The following CRACR2A variants were observed in gnomAD, a reference collection of about 807,000 sequenced individuals.
CRACR2A encodes calcium release activated channel regulator 2A.
A neutral mutation model predicts 90.5 loss-of-function variants in CRACR2A; 79 were observed. That is an observed-to-expected ratio of 0.87 (90% CI 0.73 to 1.05). CRACR2A has a LOEUF of 1.05. Among genes scored for constraint, CRACR2A ranks in the 50% least tolerant of loss-of-function variants. The pLI, the probability that CRACR2A is intolerant of heterozygous loss-of-function variation, is 0.00. For missense variants in CRACR2A, 823 were observed against 897.2 expected, an observed-to-expected ratio of 0.92 and a Z score of 1.06; for synonymous variants, 338 against 356.7, an observed-to-expected ratio of 0.95 and a Z score of 0.59.
Position 3,638,534 on chromosome 12 carries a change from C to T in CRACR2A, c.1272-80G>A, listed in dbSNP as rs114693706. 5,220 of 1,412,446 alleles carry T rather than the reference C, an allele frequency of 3.7e-3. 141 individuals carry two copies. The African/African-American group carries it at 0.061, about 17-fold the overall frequency. The allele number at this position is 1,412,446 out of a possible 1,614,324, so 87.5% of individuals were successfully genotyped here. On this transcript the variant is annotated intron_variant, in intron 13 of 19. Transcript: ENST00000440314. ...ACGGGCTGCATAACAGCTTTTGTGA[C>T]GAACAGATACCCAAGGAGCATCACA...
chr12:3,722,147 C>T (rs958992134), intron 2 of CRACR2A, among the ~76,000 whole-genome samples: 3 of 152,180 alleles, frequency 2.0e-5, no homozygotes, highest in African/African-American at 7.2e-5. Flanking sequence ...AACCATACTA[C>T]CCAGCACAAT....
intron 1 of CRACR2A, among the ~76,000 whole-genome samples, chr12:3,735,376 T>C (rs1946435062): frequency 6.6e-6 from 1 of 152,002 alleles, no homozygotes; most frequent in Non-Finnish European, 1.5e-5. Flanking sequence ...GTTAGCAAAA[T>C]GCTCCTCAGA....
Position 3,657,867 on chromosome 12 carries a change from A to G in CRACR2A, c.763-1461T>C, listed in dbSNP as rs1308571558. 2.0e-5 allele frequency among the ~76,000 whole-genome samples: 3 copies of G among 152,152 alleles called. No homozygotes were observed. The East Asian group carries it at 5.8e-4, about 29-fold the overall frequency. Reference sequence around the variant, plus strand: ...ATCACATCCTGGGGTTGGAAGGTGCAAGTGATTAGGTACTTCCTTCACGGT... The same window carrying G: ...ATCACATCCTGGGGTTGGAAGGTGCGAGTGATTAGGTACTTCCTTCACGGT... On this transcript the variant is annotated intron_variant, in intron 8 of 19. Coordinates refer to ENST00000440314, the MANE Select transcript of CRACR2A (RefSeq NM_001144958.2).
intron 1 of CRACR2A, among the ~76,000 whole-genome samples, chr12:3,748,214 T>C (rs1057459403): frequency 6.6e-6 from 1 of 152,108 alleles, no homozygotes; most frequent in African/African-American, 2.4e-5. Context: ...GCAGCTCTAT[T>C]GTGTGAATAA....
Position 3,659,579 on chromosome 12 carries a change from C to T in CRACR2A, c.747G>A (p.Glu249=), listed in dbSNP as rs1489270531. ...EMEQQIKSEK[E]QFLLKDTERF... Reference sequence around the variant, plus strand: ...GTACACTTACCTTCAGGAGAAACTGCTCCTTCTCACTTTTGATTTGTTGTT... The same window carrying T: ...GTACACTTACCTTCAGGAGAAACTGTTCCTTCTCACTTTTGATTTGTTGTT... Residue 249 remains glutamate, a synonymous_variant, in exon 8 of 20, where the codon GAG becomes GAA. Coordinates refer to ENST00000440314, the MANE Select transcript of CRACR2A (RefSeq NM_001144958.2). 1.2e-6 allele frequency: 2 copies of T among 1,614,062 alleles called. No individual in the cohort carries two copies. Among genetic ancestry groups the T allele is most frequent in the Admixed American group, 1.7e-5 (1 of 60,008 alleles).
Position 3,717,991 on chromosome 12 carries a change from G to A in CRACR2A, c.-117-4674C>T, listed in dbSNP as rs1218664774. 3.9e-5 allele frequency among the ~76,000 whole-genome samples: 6 copies of A among 152,156 alleles called. No homozygotes were observed. In the South Asian group the frequency reaches 1.2e-3, roughly 32 times the overall value. On this transcript the variant is annotated intron_variant, in intron 2 of 19. Transcript: ENST00000440314. ...GAACACTAGGCTTTGGTTTTAGACAGCCCTGGGTTCAAGTCCCAGCTCTGC... is the reference window on the plus strand; with the variant it reads ...GAACACTAGGCTTTGGTTTTAGACAACCCTGGGTTCAAGTCCCAGCTCTGC...
chr12:3,750,069 G>T (rs371284609), intron 1 of CRACR2A, among the ~76,000 whole-genome samples: 1 of 151,780 alleles, frequency 6.6e-6, no homozygotes, highest in Non-Finnish European at 1.5e-5. Flanking sequence ...CTGAATAGCT[G>T]GGATTACAGG....
chr12:3,681,401 A>C (rs1164353211), intron 4 of CRACR2A, among the ~76,000 whole-genome samples: 1 of 152,218 alleles, frequency 6.6e-6, no homozygotes, highest in Non-Finnish European at 1.5e-5. Context: ...AGACCTCATA[A>C]GGAGGGAAGG....
intron 4 of CRACR2A, among the ~76,000 whole-genome samples, chr12:3,691,861 C>G (rs1945654929): frequency 6.6e-6 from 1 of 152,150 alleles, no homozygotes; most frequent in Admixed American, 6.5e-5. Context: ...TCTTTTTTCT[C>G]TATTCTTGTC....
At chr12:3,644,853 G>A (rs1944657054) in intron 11 of CRACR2A, among the ~76,000 whole-genome samples, 1 of 152,170 alleles carries the variant, frequency 6.6e-6, no homozygotes, top group Non-Finnish European at 1.5e-5. Context: ...TAGACTGAAT[G>A]CCCTTGAGAC....
chr12:3,667,764 A>G (rs1428225063), intron 7 of CRACR2A, among the ~76,000 whole-genome samples: 1 of 152,196 alleles, frequency 6.6e-6, no homozygotes, highest in East Asian at 1.9e-4. Flanking sequence ...TTCCCCTGAA[A>G]TCAGTCTCTC....
chr12:3,642,209 T>C (rs976687673), intron 12 of CRACR2A, among the ~76,000 whole-genome samples: 6 of 126,872 alleles, frequency 4.7e-5, no homozygotes, highest in Non-Finnish European at 6.6e-5. Context: ...CACTTATCTC[T>C]TCTGAAAAAA....
intron 19 of CRACR2A, 93 bp downstream of exon 19, chr12:3,616,861 G>A: frequency 4.1e-6 from 4 of 983,464 alleles, no homozygotes; most frequent in Non-Finnish European, 6.3e-6. Context: ...GGGGTCAGAG[G>A]TGTGGCCTGG....
At position 3,678,938 on chromosome 12, in the gene CRACR2A, A is replaced by T; in HGVS notation, c.501T>A (p.Leu167=). The T allele has an allele frequency of 1.2e-6, 2 of 1,611,650 alleles. No homozygotes were observed. Among genetic ancestry groups the T allele is most frequent in the Non-Finnish European group, 1.7e-6 (2 of 1,179,074 alleles). The part of the protein sequence containing the change: ...EAQFRMLMDR[L]GAQKVLEDES... ...ACTCTTCCAACACCTTTTGGGCTCC[A>T]AGTCTGTCCATCAGCATCCGGAACT... The change falls in exon 6 of 20, where the codon CTT becomes CTA. Residue 167 remains leucine, a synonymous_variant. Transcript: ENST00000440314.
chr12:3,675,178 A>G lies in CRACR2A; in HGVS notation c.525-1586T>C, dbSNP rs139691844. Among the ~76,000 whole-genome samples, 472 of 152,256 alleles carry G rather than the reference A, an allele frequency of 3.1e-3. 4 individuals carry two copies. Among genetic ancestry groups the G allele is most frequent in the African/African-American group, 0.01 (422 of 41,540 alleles). On this transcript the variant is annotated intron_variant, in intron 6 of 19. Coordinates refer to ENST00000440314, the MANE Select transcript of CRACR2A (RefSeq NM_001144958.2). Reference sequence around the variant, plus strand: ...AGGAATCCTCAGGATAAAGAATAAAATTATCTGTGCTTGTATAACAAGCAT... The same window carrying G: ...AGGAATCCTCAGGATAAAGAATAAAGTTATCTGTGCTTGTATAACAAGCAT...
At chr12:3,615,945 A>G (rs1204954605) in intron 19 of CRACR2A, among the ~76,000 whole-genome samples, 1 of 152,270 alleles carries the variant, frequency 6.6e-6, no homozygotes, top group African/African-American at 2.4e-5. Context: ...ACAGCTCCAG[A>G]TTAATTGTAG....
At chr12:3,644,437 C>G (rs910945653) in intron 12 of CRACR2A, among the ~76,000 whole-genome samples, 158 bp downstream of exon 12, 1 of 152,026 alleles carries the variant, frequency 6.6e-6, no homozygotes, top group Non-Finnish European at 1.5e-5. Context: ...AGTAGGCCAC[C>G]CTGAATTTTT....
chr12:3,674,705 AT>A (rs1056845588), intron 6 of CRACR2A, among the ~76,000 whole-genome samples: 2 of 152,200 alleles, frequency 1.3e-5, no homozygotes, highest in African/African-American at 4.8e-5. Context: ...TATAAATCTT[AT>A]CCCGCAAACA....
At chr12:3,721,895 G>A (rs940698862) in intron 2 of CRACR2A, among the ~76,000 whole-genome samples, 1 of 152,130 alleles carries the variant, frequency 6.6e-6, no homozygotes, top group Admixed American at 6.5e-5. Flanking sequence ...CACGTGTTTG[G>A]AAAAATGTGA....
Sources: allele counts gnomAD v4.1 joint callset (sites outside exome capture counted in the v4.1 genomes callset), GRCh38; gene constraint gnomAD v4.1.1; transcripts MANE v1.5; gene names NCBI Gene and HGNC (gene_info 2026-07-23, HGNC 2026-07-21).